Variants in BICRAL observed in about 807,000 individuals in gnomAD.
BICRAL encodes the protein BICRA like chromatin remodeling complex associated protein.
BICRAL carries 8 observed loss-of-function variants against 91.8 expected under a neutral mutation model. That is an observed-to-expected ratio of 0.09 (90% CI 0.05 to 0.16). The LOEUF (loss-of-function observed/expected upper bound fraction) is 0.16. BICRAL is among the 10% of genes least tolerant of loss of function. The pLI, the probability that BICRAL is intolerant of heterozygous loss-of-function variation, is 1.00. For synonymous variants in BICRAL, 445 were observed against 491.1 expected (o/e 0.91, Z 1.24); for missense variants, 1,038 against 1,310.9 (o/e 0.79, Z 3.21).
chr6:42,803,461 C>T (rs1482579281), intron 1 of BICRAL, among the ~76,000 whole-genome samples: 6 of 152,148 alleles, frequency 3.9e-5, no homozygotes, highest in Admixed American at 3.9e-4. Flanking sequence ...AGGCCTGCAT[C>T]CCAAATCCTG....
chr6:42,782,713 G>C (rs1762954611), intron 1 of BICRAL, among the ~76,000 whole-genome samples: 1 of 151,654 alleles, frequency 6.6e-6, no homozygotes, highest in South Asian at 2.1e-4. Context: ...AGTTGTGTGC[G>C]CGAGTGTGAG....
At chr6:42,753,458 C>G (rs1762411586) in intron 1 of BICRAL, among the ~76,000 whole-genome samples, 1 of 152,014 alleles carries the variant, frequency 6.6e-6, no homozygotes, top group Admixed American at 6.6e-5. Context: ...GGGGGTTGAG[C>G]TGAACGGGAA....
intron 1 of BICRAL, among the ~76,000 whole-genome samples, chr6:42,784,105 G>C (rs1763031300): frequency 6.6e-6 from 1 of 152,182 alleles, no homozygotes; most frequent in Non-Finnish European, 1.5e-5. Context: ...TTACGGGAAG[G>C]TGATGGGTTC....
In BICRAL at chr6:42,798,397, A is replaced by C. The variant is rs570844197; in HGVS notation, c.-101-11909A>C. Among the ~76,000 whole-genome samples the C allele has an allele frequency of 4.1e-3, 631 of 152,232 alleles. 4 individuals are homozygous for C. The highest frequency in any genetic ancestry group is 0.014 in the African/African-American group (594 of 41,556). On this transcript the variant is annotated intron_variant, in intron 1 of 12. Coordinates refer to ENST00000314073, the MANE Select transcript of BICRAL (RefSeq NM_001393499.1). ...TAGAAAAAGAAAAAAAATTTTTTTA[A>C]TTAGAAAAAAAAAGGTGGGCCGGGC...
intron 6 of BICRAL, among the ~76,000 whole-genome samples, chr6:42,836,554 T>G (rs1764641342): frequency 6.6e-6 from 1 of 151,828 alleles, no homozygotes; most frequent in Non-Finnish European, 1.5e-5. Context: ...AGTATTTAGG[T>G]CAGCTACCAT....
At chr6:42,778,665 T>C (rs1052253828), upstream of BICRAL, among the ~76,000 whole-genome samples, 3 of 152,192 alleles carry the variant, frequency 2.0e-5, no homozygotes, top group Admixed American at 6.6e-5. Flanking sequence ...CTTGAGAGGA[T>C]AGCTTTCCGA....
In BICRAL at chr6:42,791,676, C is replaced by A. The variant is rs533546350; in HGVS notation, c.-102+9575C>A. Among the ~76,000 whole-genome samples, 12 of 152,208 alleles carry A rather than the reference C, an allele frequency of 7.9e-5. No individual in the cohort carries two copies. The South Asian group carries it at 2.5e-3, about 32-fold the overall frequency. ...ATGAGAACTCACTATGTTGCACAGGCGTGTCTCAAACTCCTGGGCTCAAGC... is the reference window on the plus strand; with the variant it reads ...ATGAGAACTCACTATGTTGCACAGGAGTGTCTCAAACTCCTGGGCTCAAGC... On this transcript the variant is annotated intron_variant, in intron 1 of 12. Transcript: ENST00000314073.
chr6:42,821,975 T>C, intron 2 of BICRAL, 43 bp from the exon 3 acceptor site: 1 of 1,294,380 alleles, frequency 7.7e-7, no homozygotes, highest in Non-Finnish European at 1.1e-6. Context: ...CTGTCTTTAA[T>C]CTGCTTTACT....
chr6:42,825,720 C>CT (rs1764278609), intron 5 of BICRAL, among the ~76,000 whole-genome samples: 1 of 127,522 alleles, frequency 7.8e-6, no homozygotes. Context: ...GAGACCCTAT[C>CT]TCAAAAAAAA....
chr6:42,763,034 G>A (rs1271638361), intron 1 of BICRAL, among the ~76,000 whole-genome samples: 3 of 152,214 alleles, frequency 2.0e-5, no homozygotes, highest in African/African-American at 4.8e-5. Context: ...TAAACTCCTC[G>A]AGGGAGCCTC....
chr6:42,773,240 A>G (rs1221023772), intron 1 of BICRAL, among the ~76,000 whole-genome samples: 4 of 151,746 alleles, frequency 2.6e-5, no homozygotes, highest in Non-Finnish European at 4.4e-5. Flanking sequence ...CATCATGCCC[A>G]GCTAATTTTT....
intron 3 of BICRAL, 141 bp downstream of exon 3, chr6:42,822,204 G>A (rs1764156238): frequency 1.8e-6 from 1 of 556,398 alleles, no homozygotes; most frequent in Non-Finnish European, 3.2e-6. Context: ...GAGAAACAGA[G>A]ACATGATTAA....
intron 1 of BICRAL, among the ~76,000 whole-genome samples, chr6:42,756,163 C>A (rs1173631286): frequency 6.6e-6 from 1 of 152,198 alleles, no homozygotes. Context: ...GTTTCTCAAT[C>A]GTCATTCCCT....
chr6:42,826,869 C>G (rs569990053), intron 5 of BICRAL, among the ~76,000 whole-genome samples: 182 of 152,304 alleles, frequency 1.2e-3, no homozygotes, highest in Admixed American at 1.9e-3. Context: ...TCACCGCAAC[C>G]TCTGCCTCCC....
intron 10 of BICRAL, among the ~76,000 whole-genome samples, 161 bp from the exon 11 acceptor site, chr6:42,860,101 A>G (rs976446179): frequency 3.3e-5 from 5 of 152,230 alleles, no homozygotes; most frequent in African/African-American, 1.2e-4. Flanking sequence ...GTGTAGAAGG[A>G]TGATGCTTAG....
chr6:42,857,976 T>C (rs1048658755), intron 10 of BICRAL, among the ~76,000 whole-genome samples: 1 of 150,102 alleles, frequency 6.7e-6, no homozygotes, highest in Non-Finnish European at 1.5e-5. Context: ...GGCTGGCTAA[T>C]TTTTGTATTT....
In BICRAL at chr6:42,828,858, A is replaced by G. The variant is rs1764382426; in HGVS notation, c.525A>G (p.Ala175=). 6.2e-7 allele frequency: 1 copy of G among 1,614,206 alleles called. No homozygotes were observed. The highest frequency in any genetic ancestry group is 8.5e-7 in the Non-Finnish European group (1 of 1,180,038). Residue 175 remains alanine, a synonymous_variant, in exon 6 of 13, where the codon GCA becomes GCG. Transcript: ENST00000314073. ...PIGVTHVPVG[A]SFASNTVGVQ... The stretch of plus-strand genomic sequence containing the variant: ...GGGTGACGCATGTGCCTGTTGGAGC[A>G]TCGTTTGCAAGCAATACAGTGGGTG...
intron 1 of BICRAL, among the ~76,000 whole-genome samples, chr6:42,751,829 G>A (rs1262599398): frequency 6.6e-6 from 1 of 151,822 alleles, no homozygotes; most frequent in African/African-American, 2.4e-5. Context: ...GGCTAATTTT[G>A]TATTTTTAGT....
chr6:42,866,191 C>G lies in BICRAL; in HGVS notation c.*745C>G, dbSNP rs1041242319. The stretch of plus-strand genomic sequence containing the variant: ...AATTTCACCTAGGGAATGTTCTGTT[C>G]TTAGTTACAGCAGCAAAATTTGAAA... On this transcript the variant is annotated 3_prime_UTR_variant, in exon 13 of 13. Coordinates refer to ENST00000314073, the MANE Select transcript of BICRAL (RefSeq NM_001393499.1). 2.0e-5 allele frequency: 3 copies of G among 152,384 alleles called. No individual in the cohort carries two copies. The highest frequency in any genetic ancestry group is 7.3e-5 in the African/African-American group (3 of 41,374). 9.4% of individuals were successfully genotyped at this position (152,384 alleles called of 1,614,324 possible).
Sources: allele counts gnomAD v4.1 joint callset (sites outside exome capture counted in the v4.1 genomes callset), GRCh38; gene constraint gnomAD v4.1.1; transcripts MANE v1.5; gene names NCBI Gene and HGNC (gene_info 2026-07-23, HGNC 2026-07-21).